RTN4RL1: variants seen among roughly 807,000 people sequenced by gnomAD.
RTN4RL1 encodes reticulon 4 receptor like 1.
A neutral mutation model predicts 25.6 loss-of-function variants in RTN4RL1; 7 were observed. The ratio of observed to expected loss-of-function variants is 0.27; its 90% CI spans 0.16 to 0.51. RTN4RL1 has a LOEUF of 0.51. Among genes scored for constraint, RTN4RL1 ranks in the 20% least tolerant of loss-of-function variants. The pLI is 0.97. For synonymous variants in RTN4RL1, 297 were observed against 288.2 expected, an observed-to-expected ratio of 1.03 and a Z score of -0.31; for missense variants, 500 against 615.6, an observed-to-expected ratio of 0.81 and a Z score of 1.99.
chr17:1,998,519 C>T lies in RTN4RL1; in HGVS notation c.13+26334G>A, dbSNP rs1437595714. Among the ~76,000 whole-genome samples the T allele has an allele frequency of 1.3e-5, 2 of 152,074 alleles. No individual in the cohort carries two copies. The highest frequency in any genetic ancestry group is 2.9e-5 in the Non-Finnish European group (2 of 67,980). ...CCCGCGGCTGCCCCCGGGCCGGCCA[C>T]CGCTGCCCAGCGCGCAGGTCCCTGC... On this transcript the variant is annotated intron_variant, in intron 1 of 1. Transcript: ENST00000331238. This position sits in a 1 kb window ranked among gnomAD's most constrained non-coding sequence, Gnocchi z 4.9.
Position 1,936,559 on chromosome 17 carries a change from C to T in RTN4RL1, c.1263G>A (p.Ser421=), listed in dbSNP as rs750018121. Residue 421 remains serine (S), a synonymous_variant, in exon 2 of 2, where the codon TCG becomes TCA. Transcript: ENST00000331238. ...GGAGGGAGGCCCCCAGGGAACTGGC[C>T]GAGGAGGCCTGCTGCACCCCGCTGG... The part of the protein sequence containing the change: ...RAPSGVQQAS[S]ASSLGASLLA... The T allele has an allele frequency of 3.3e-5, 51 of 1,560,988 alleles. No homozygotes were observed. Among genetic ancestry groups the T allele is most frequent in the African/African-American group, 4.1e-5 (3 of 73,722 alleles).
chr17:2,013,289 T>G (rs2067072790), intron 1 of RTN4RL1, among the ~76,000 whole-genome samples: 2 of 152,164 alleles, frequency 1.3e-5, no homozygotes, highest in South Asian at 4.1e-4. Flanking sequence ...CTTACTGAAC[T>G]CACAGGTAGA....
chr17:1,941,450 C>T (rs942986134), intron 1 of RTN4RL1, among the ~76,000 whole-genome samples: 1 of 152,130 alleles, frequency 6.6e-6, no homozygotes, highest in Non-Finnish European at 1.5e-5. Context: ...AGGCTTGGTG[C>T]AGGGCCTGGC....
At chr17:1,974,040 GA>G (rs57063033) in intron 1 of RTN4RL1, among the ~76,000 whole-genome samples, 1,375 of 96,990 alleles carry the variant, frequency 0.014, 28 homozygotes, top group African/African-American at 0.052. Context: ...CTCCGTCTCA[GA>G]AAAAAAAAAA....
intron 1 of RTN4RL1, among the ~76,000 whole-genome samples, chr17:1,963,550 C>T (rs9889966): frequency 0.11 from 15,998 of 152,204 alleles, 1,179 homozygotes; most frequent in African/African-American, 0.19. Flanking sequence ...TGTGTCCACC[C>T]GCCTTTGCCA....
intron 1 of RTN4RL1, among the ~76,000 whole-genome samples, chr17:1,979,496 CAAAG>C (rs1387726392): frequency 3.0e-5 from 4 of 132,626 alleles, no homozygotes; most frequent in African/African-American, 8.7e-5. Flanking sequence ...AAAAAAAAGA[CAAAG>C]AAGGAAAGAA....
chr17:1,971,497 G>GTTA (rs1555518796), intron 1 of RTN4RL1, among the ~76,000 whole-genome samples: 1 of 152,172 alleles, frequency 6.6e-6, no homozygotes, highest in Non-Finnish European at 1.5e-5. Flanking sequence ...ACTAGAAAGA[G>GTTA]GTAGAACTGA....
intron 1 of RTN4RL1, among the ~76,000 whole-genome samples, chr17:1,978,546 T>C (rs924718122): frequency 6.6e-6 from 1 of 152,058 alleles, no homozygotes; most frequent in Non-Finnish European, 1.5e-5. Context: ...CAGCTCTTGC[T>C]TGGAATTAGG....
chr17:2,007,337 A>AACACAC (rs34669886), intron 1 of RTN4RL1, among the ~76,000 whole-genome samples: 14,354 of 140,294 alleles, frequency 0.1, 836 homozygotes, highest in East Asian at 0.18. Flanking sequence ...TCACAGCCCC[A>AACACAC]ACACACACAC....
chr17:1,977,626 G>A (rs1335494019), intron 1 of RTN4RL1, among the ~76,000 whole-genome samples: 1 of 152,158 alleles, frequency 6.6e-6, no homozygotes, highest in Admixed American at 6.5e-5. Flanking sequence ...GGGGCTGGGG[G>A]AGGGGAGCGG....
intron 1 of RTN4RL1, among the ~76,000 whole-genome samples, chr17:2,018,642 G>A (rs1486628622): frequency 6.6e-6 from 1 of 152,214 alleles, no homozygotes; most frequent in African/African-American, 2.4e-5. Flanking sequence ...GGGAGACGGT[G>A]GGCTTGACAG....
At chr17:1,937,855 G>T in intron 1 of RTN4RL1, 47 bp from the exon 2 acceptor site, 1 of 1,445,524 alleles carries the variant, frequency 6.9e-7, no homozygotes, top group South Asian at 1.2e-5. Context: ...GTGCAGGTGA[G>T]GACTGGCACC....
At chr17:2,003,828 T>C (rs946800354) in intron 1 of RTN4RL1, among the ~76,000 whole-genome samples, 3 of 152,148 alleles carry the variant, frequency 2.0e-5, no homozygotes, top group African/African-American at 7.2e-5. Context: ...CCCAGAGCTT[T>C]GGGAGTCTGA....
rs181696095 is a variant in RTN4RL1, at chr17:2,002,323, T to C, written c.13+22530A>G. Among the ~76,000 whole-genome samples the C allele has an allele frequency of 5.0e-3, 757 of 150,670 alleles. 31 individuals are homozygous for C. In the East Asian group the frequency reaches 0.087, roughly 17 times the overall value. ...TAATTTTTTTTTTGAGACGGAGTCTTGCTCTGTCGCCCAGGCTGGAGTGCA... is the reference window on the plus strand; with the variant it reads ...TAATTTTTTTTTTGAGACGGAGTCTCGCTCTGTCGCCCAGGCTGGAGTGCA... On this transcript the variant is annotated intron_variant, in intron 1 of 1. Coordinates refer to ENST00000331238, the MANE Select transcript of RTN4RL1 (RefSeq NM_178568.4).
At chr17:2,023,336 C>T (rs1262439760) in intron 1 of RTN4RL1, among the ~76,000 whole-genome samples, 1 of 152,196 alleles carries the variant, frequency 6.6e-6, no homozygotes, top group African/African-American at 2.4e-5. Flanking sequence ...TCCCTTTCTG[C>T]AGGGAAAAGG....
intron 1 of RTN4RL1, among the ~76,000 whole-genome samples, chr17:1,958,171 C>T (rs1019911816): frequency 2.0e-5 from 3 of 152,154 alleles, no homozygotes; most frequent in African/African-American, 7.2e-5. Flanking sequence ...GCCTGGGAGA[C>T]AAAGTGAGAT....
intron 1 of RTN4RL1, among the ~76,000 whole-genome samples, chr17:1,977,660 C>T (rs1028970515): frequency 6.6e-6 from 1 of 152,126 alleles, no homozygotes; most frequent in Admixed American, 6.5e-5. Flanking sequence ...GAGGAGGTCC[C>T]TTTGCAGAGG....
chr17:1,961,336 G>T (rs1915889481), intron 1 of RTN4RL1, among the ~76,000 whole-genome samples: 1 of 152,218 alleles, frequency 6.6e-6, no homozygotes. Flanking sequence ...GGACGACGGG[G>T]CAGGGCATTC....
chr17:2,000,775 C>G (rs1438355068), intron 1 of RTN4RL1, among the ~76,000 whole-genome samples: 1 of 152,264 alleles, frequency 6.6e-6, no homozygotes, highest in Non-Finnish European at 1.5e-5. Context: ...CCAGCTCAGC[C>G]TCCCGAAGTA....
Sources: allele counts gnomAD v4.1 joint callset (sites outside exome capture counted in the v4.1 genomes callset), GRCh38; gene constraint gnomAD v4.1.1; non-coding constraint Gnocchi (gnomAD v3.1); transcripts MANE v1.5; gene names NCBI Gene and HGNC (gene_info 2026-07-23, HGNC 2026-07-21).